The following ZFC3H1 variants were observed in gnomAD, a reference collection of about 807,000 sequenced individuals.
ZFC3H1 encodes the protein zinc finger C3H1-type containing.
A neutral mutation model predicts 243.7 loss-of-function variants in ZFC3H1; 71 were observed. That is an observed-to-expected ratio of 0.29 (90% CI 0.24 to 0.36). The LOEUF is 0.36. Among genes scored for constraint, ZFC3H1 ranks in the 10% least tolerant of loss-of-function variants. The pLI, the probability that ZFC3H1 is intolerant of heterozygous loss-of-function variation, is 1.00. For missense variants in ZFC3H1, 1,966 were observed against 2,317.1 expected, an observed-to-expected ratio of 0.85 and a Z score of 3.11; for synonymous variants, 838 against 813.0, an observed-to-expected ratio of 1.03 and a Z score of -0.52.
At chr12:71,638,762 T>G (rs1880528978) in intron 6 of ZFC3H1, among the ~76,000 whole-genome samples, 1 of 152,104 alleles carries the variant, frequency 6.6e-6, no homozygotes, top group African/African-American at 2.4e-5. Context: ...TTGTTCCACT[T>G]TTAACCTAAT....
At position 71,629,704 on chromosome 12, in the gene ZFC3H1, T is replaced by C; in HGVS notation, c.3731A>G (p.Tyr1244Cys). ...GTTTACTCCAAAAAGTTTCTCAACA[T>C]ATTTTTCTGAAATAAGAGCAATGCA... ...NEEITASAEK[Y>C]VEKLFGVNKD... Residue 1244 changes from tyrosine to cysteine, a missense_variant, in exon 19 of 35, where the codon TAT becomes TGT. Tyr to Cys is a radical substitution (Grantham distance 194, BLOSUM62 -2). Around this residue, in one of 4 missense-constraint regions of ZFC3H1, gnomAD observed 1,383 missense variants for 1,723.7 expected, o/e 0.80. Transcript: ENST00000378743. 6.2e-7 allele frequency: 1 copy of C among 1,607,274 alleles called. No individual in the cohort carries two copies. The highest frequency in any genetic ancestry group is 1.3e-5 in the African/African-American group (1 of 74,914).
rs760181514 is a variant in ZFC3H1, at chr12:71,632,889, A to G, written c.2814T>C (p.Phe938=). Residue 938 remains phenylalanine (F), a synonymous_variant, in exon 14 of 35, where the codon TTT becomes TTC. Transcript: ENST00000378743. ...IGKRKLEQDR[F]GPNKMMRLDS... ...AATATTTCTATAAAACCCTCACCCC[A>G]AAGCGATCTTGTTCCAGTTTACGTT... 6.2e-7 allele frequency: 1 copy of G among 1,611,596 alleles called. No individual in the cohort carries two copies. The highest frequency in any genetic ancestry group is 1.3e-5 in the African/African-American group (1 of 74,714).
rs148087306 is a variant in ZFC3H1, at chr12:71,633,396, C to A, written c.2553G>T (p.Val851=). The A allele has an allele frequency of 2.3e-4, 371 of 1,586,596 alleles. 6 individuals carry two copies. The East Asian group carries it at 8.3e-3, about 35-fold the overall frequency. ...ATTCTTTCTTCTTAGCTTCTTGTTG[C>A]ACTAAATTCTTTAAAACAGATTCAT... ...MKDESVLKNL[V]QQEAKKKESV... The change falls in exon 13 of 35, where the codon GTG becomes GTT. Residue 851 remains valine (V), a synonymous_variant. Transcript: ENST00000378743.
At chr12:71,613,053 C>A (rs1879811171) in intron 31 of ZFC3H1, among the ~76,000 whole-genome samples, 1 of 152,154 alleles carries the variant, frequency 6.6e-6, no homozygotes, top group Non-Finnish European at 1.5e-5. Flanking sequence ...AATGCACATG[C>A]TAAGGACAGA....
chr12:71,615,420 AT>A, intron 27 of ZFC3H1, 104 bp from the exon 28 acceptor site: 2 of 762,832 alleles, frequency 2.6e-6, no homozygotes, highest in South Asian at 1.8e-5. Flanking sequence ...TCATTGAAAT[AT>A]TTTTTTAGAA....
Position 71,620,067 on chromosome 12 carries a change from G to A in ZFC3H1, c.4908C>T (p.Cys1636=), listed in dbSNP as rs1424266291. ...KSLLESCPIN[C]QLLEALVALY... ...ATGCAACAAGAGCTTCCAGCAACTG[G>A]CAGTTAATAGGACATGATTCCAATA... The change falls in exon 26 of 35, where the codon TGC becomes TGT. Residue 1636 remains cysteine (C), a synonymous_variant. Transcript: ENST00000378743. The A allele has an allele frequency of 6.2e-7, 1 of 1,613,490 alleles. No homozygotes were observed. Among genetic ancestry groups the A allele is most frequent in the Non-Finnish European group, 8.5e-7 (1 of 1,179,904 alleles).
chr12:71,663,069 C>A lies in ZFC3H1; in HGVS notation c.542G>T (p.Gly181Val), dbSNP rs376716979. ...GCTCTGACTGCTGCTGAACCCGGATCCTGCTCCTCCTCCCAGAGGAGGTCT... is the reference window on the plus strand; with the variant it reads ...GCTCTGACTGCTGCTGAACCCGGATACTGCTCCTCCTCCCAGAGGAGGTCT... ...GCRPPLGGGA[G>V]SGFSSSQSWR... Residue 181 changes from glycine to valine, a missense_variant, in exon 1 of 35, where the codon GGA becomes GTA. Coordinates refer to ENST00000378743, the MANE Select transcript of ZFC3H1 (RefSeq NM_144982.5). 1.9e-6 allele frequency: 3 copies of A among 1,613,776 alleles called. No individual in the cohort carries two copies. The highest frequency in any genetic ancestry group is 2.2e-5 in the South Asian group (2 of 91,068).
chr12:71,622,376 T>C (rs1421694534), intron 24 of ZFC3H1, among the ~76,000 whole-genome samples: 4 of 152,344 alleles, frequency 2.6e-5, no homozygotes, highest in Admixed American at 2.6e-4. Context: ...GAAGACTTCC[T>C]TGATCATGCC....
At chr12:71,640,745 TA>T (rs1448515783) in intron 6 of ZFC3H1, among the ~76,000 whole-genome samples, 1 of 152,218 alleles carries the variant, frequency 6.6e-6, no homozygotes, top group African/African-American at 2.4e-5. Flanking sequence ...TTCTGATTTT[TA>T]AGTTGTTCTG....
intron 3 of ZFC3H1, 144 bp downstream of exon 3, chr12:71,647,605 T>TAAA: frequency 3.9e-6 from 2 of 512,288 alleles, no homozygotes; most frequent in Non-Finnish European, 6.8e-6. Context: ...CAGAATTTCT[T>TAAA]TAAGGCTTAT....
At chr12:71,626,529 T>A in intron 21 of ZFC3H1, 83 bp from the exon 22 acceptor site, 2 of 1,197,506 alleles carry the variant, frequency 1.7e-6, no homozygotes, top group Non-Finnish European at 2.2e-6. Context: ...GAGTCAATTT[T>A]AAAATTCCAT....
At chr12:71,631,231 A>G (rs997592114) in intron 16 of ZFC3H1, among the ~76,000 whole-genome samples, 3 of 152,144 alleles carry the variant, frequency 2.0e-5, no homozygotes, top group East Asian at 3.8e-4. Context: ...AAAATACTAT[A>G]TAATACCGGT....
At chr12:71,660,803 G>C (rs1021321148) in intron 1 of ZFC3H1, among the ~76,000 whole-genome samples, 1 of 151,770 alleles carries the variant, frequency 6.6e-6, no homozygotes, top group African/African-American at 2.4e-5. Flanking sequence ...CAAACTACAG[G>C]TTTCATCTTT....
intron 6 of ZFC3H1, among the ~76,000 whole-genome samples, 157 bp downstream of exon 6, chr12:71,642,275 GCTCT>G (rs1265865203): frequency 1.5e-4 from 23 of 152,194 alleles, no homozygotes; most frequent in African/African-American, 2.4e-4. Flanking sequence ...TTTGAGGTTT[GCTCT>G]CTAAGTATTT....
Position 71,620,192 on chromosome 12 carries a change from T to G in ZFC3H1, c.4850+18A>C. The G allele has an allele frequency of 6.2e-7, 1 of 1,614,044 alleles. No individual in the cohort carries two copies. The highest frequency in any genetic ancestry group is 8.5e-7 in the Non-Finnish European group (1 of 1,179,972). ...CACTTTTTAATATAAGGTTAGCTGC[T>G]TGGCAATTAAGTTGTACCTCTCCAG... is the stretch of plus-strand genomic sequence containing the variant. On this transcript the variant is annotated intron_variant, in intron 25 of 34. Transcript: ENST00000378743.
rs555370548 is a variant in ZFC3H1 at position 71,623,818 on chromosome 12, A to AT, written c.4507-222dup. The stretch of plus-strand genomic sequence containing the variant: ...CATATAGATTATTTTCATCAGACTG[A>AT]TTTTTTTCCTTTATGGCTTAAATCT... On this transcript the variant is annotated intron_variant, in intron 23 of 34. Coordinates refer to ENST00000378743, the MANE Select transcript of ZFC3H1 (RefSeq NM_144982.5). Among the ~76,000 whole-genome samples, 6 of 152,296 alleles carry AT rather than the reference A, an allele frequency of 3.9e-5. No individual in the cohort carries two copies. The South Asian group carries it at 1.2e-3, about 32-fold the overall frequency.
chr12:71,617,817 T>C (rs904195983), intron 27 of ZFC3H1, among the ~76,000 whole-genome samples: 1 of 152,218 alleles, frequency 6.6e-6, no homozygotes, highest in Non-Finnish European at 1.5e-5. Context: ...AATATTAATC[T>C]GGATGTAACA....
Position 71,615,298 on chromosome 12 carries a change from T to C in ZFC3H1, c.5163A>G (p.Pro1721=). ...AACGAGATGGAATGTCAATTGGTCC[T>C]GGAATATTTAAGAGATACCTGAAAA... The part of the protein sequence containing the change: ...LDLFRYLLNI[P]GPIDIPSRLC... The change falls in exon 28 of 35, where the codon CCA becomes CCG. Residue 1721 remains proline, a synonymous_variant. Transcript: ENST00000378743. 1 of 1,611,362 alleles carries C rather than the reference T, an allele frequency of 6.2e-7. No homozygotes were observed. Among genetic ancestry groups the C allele is most frequent in the Non-Finnish European group, 8.5e-7 (1 of 1,178,566 alleles).
At chr12:71,644,014 C>G in intron 5 of ZFC3H1, 81 bp downstream of exon 5, 1 of 1,225,308 alleles carries the variant, frequency 8.2e-7, no homozygotes. Context: ...AAATAAACTT[C>G]CTTATTTGAC....
Sources: gnomAD v4.1 joint callset for allele counts (sites outside exome capture counted in the v4.1 genomes callset) on GRCh38, gnomAD v4.1.1 for gene constraint, gnomAD v4.1.1 regional missense constraint, MANE v1.5 for transcripts, NCBI Gene and HGNC (gene_info 2026-07-23, HGNC 2026-07-21) for gene names.